POLR2F: variants seen among roughly 807,000 people sequenced by gnomAD.
The protein encoded by POLR2F is DNA-directed RNA polymerases I, II, and III subunit RPABC2.
In POLR2F, 12 loss-of-function variants were observed where a neutral mutation model predicts 22.7. That is an observed-to-expected ratio of 0.53 (90% CI 0.34 to 0.86). The LOEUF (loss-of-function observed/expected upper bound fraction) is 0.86. Ranked by LOEUF, POLR2F falls within the 40% of genes least tolerant of loss-of-function variation. The pLI is 0.02. For synonymous variants in POLR2F, 57 were observed against 66.0 expected (o/e 0.86, Z 0.66); for missense variants, 126 against 171.5 (o/e 0.73, Z 1.48).
upstream of POLR2F, chr22:37,986,020 C>A (rs954746712): frequency 5.9e-5 from 81 of 1,368,976 alleles, no homozygotes; most frequent in Non-Finnish European, 7.5e-5. This position sits in a 1 kb window ranked among gnomAD's most constrained non-coding sequence, Gnocchi z 4.7. Flanking sequence ...AACCCTCCTC[C>A]CCCCGCCTCC....
chr22:38,039,343 A>G (rs185430736), intron 5 of POLR2F, among the ~76,000 whole-genome samples: 108 of 152,182 alleles, frequency 7.1e-4, no homozygotes, highest in African/African-American at 2.0e-3. Context: ...CGGGGACACA[A>G]TTTCTGTCCA....
Position 38,031,772 on chromosome 22 carries a change from C to T in POLR2F, c.453-9296C>T, listed in dbSNP as rs1296454840. On this transcript the variant is annotated intron_variant, in intron 5 of 5. Coordinates refer to the POLR2F transcript ENST00000407936. The surrounding 1 kb of genome is among the most constrained non-coding windows in gnomAD (Gnocchi z 4.1). ...TGCTGCCCCCAGACCAACCCCTCCC[C>T]GCTTCCCTGCCCCATCAACGGCCCC... 2.0e-5 allele frequency among the ~76,000 whole-genome samples: 3 copies of T among 152,176 alleles called. No individual in the cohort carries two copies. Among genetic ancestry groups the T allele is most frequent in the East Asian group, 1.9e-4 (1 of 5,192 alleles).
chr22:37,972,999 A>T, downstream of POLR2F: 1 of 156,916 alleles, frequency 6.4e-6, no homozygotes, highest in Non-Finnish European at 1.4e-5. Context: ...TCAGCCCCTG[A>T]GTGGGAGACA....
intron 1 of POLR2F, among the ~76,000 whole-genome samples, chr22:38,018,797 C>G (rs1050647081): frequency 1.3e-5 from 2 of 152,112 alleles, no homozygotes; most frequent in Admixed American, 1.3e-4. Context: ...AGGCCAGATG[C>G]AGGAGGGTGT....
chr22:37,982,268 G>T (rs551467098), upstream of POLR2F, among the ~76,000 whole-genome samples: 9 of 152,200 alleles, frequency 5.9e-5, no homozygotes, highest in Non-Finnish European at 1.2e-4. Context: ...ACTTCTATGT[G>T]ACCTTTGTGA....
intron 5 of POLR2F, among the ~76,000 whole-genome samples, chr22:38,038,461 G>C (rs2085137638): frequency 6.6e-6 from 1 of 152,062 alleles, no homozygotes; most frequent in South Asian, 2.1e-4. Context: ...ATGGGCTCTG[G>C]ACCCAGGAGC....
In POLR2F at chr22:38,019,013, G is replaced by A. The variant is rs2084937936; in HGVS notation, c.121-6856G>A. The stretch of plus-strand genomic sequence containing the variant: ...GGATGCTTTGGGGCTGGGAAACATG[G>A]CTAATGTGGAGAAGAGTGAGCCGTG... On this transcript the variant is annotated intron_variant, in intron 1 of 2. Transcript: ENST00000333418. 1.3e-5 allele frequency among the ~76,000 whole-genome samples: 2 copies of A among 152,150 alleles called. 1 individual carries two copies. The highest frequency in any genetic ancestry group is 4.1e-4 in the South Asian group (2 of 4,824).
At position 37,968,691 on chromosome 22, in the gene POLR2F, G is replaced by A; in HGVS notation, c.*976G>A. The stretch of plus-strand genomic sequence containing the variant: ...GTATATTGACATGAACAGGGATAGA[G>A]GGTAAACTGGCTCCCTGAATATGCC... On this transcript the variant is annotated 3_prime_UTR_variant, in exon 5 of 5. Transcript: ENST00000442738. 1 of 985,448 alleles carries A rather than the reference G, an allele frequency of 1.0e-6. No homozygotes were observed. 61.0% of individuals were successfully genotyped at this position (985,448 alleles called of 1,614,324 possible). A position where few individuals can be genotyped will look rare whatever the true frequency, so the allele number is the denominator to read the frequency against.
At chr22:37,982,156 C>T (rs1310403889), upstream of POLR2F, among the ~76,000 whole-genome samples, 1 of 152,186 alleles carries the variant, frequency 6.6e-6, no homozygotes, top group Non-Finnish European at 1.5e-5. Context: ...CTCCTGACCA[C>T]TCCTCAAAGT....
downstream of POLR2F, chr22:37,973,635 G>A: frequency 6.2e-7 from 1 of 1,613,838 alleles, no homozygotes; most frequent in East Asian, 2.2e-5. Context: ...GCCGAGTAGA[G>A]GCCAGAGGCC....
At chr22:37,960,232 T>C (rs1476075118) in intron 3 of POLR2F, among the ~76,000 whole-genome samples, 1 of 151,034 alleles carries the variant, frequency 6.6e-6, no homozygotes. Flanking sequence ...TCTTTTCTTT[T>C]TTTTTTTTTT....
downstream of POLR2F, among the ~76,000 whole-genome samples, chr22:38,030,811 C>G (rs1569184928): frequency 6.6e-6 from 1 of 152,220 alleles, no homozygotes; most frequent in East Asian, 1.9e-4. Flanking sequence ...GCTGGGAAGG[C>G]CTGGGGAGCG....
At chr22:38,008,555 A>C (rs866268419) in intron 1 of POLR2F, among the ~76,000 whole-genome samples, 1 of 148,316 alleles carries the variant, frequency 6.7e-6, no homozygotes, top group Non-Finnish European at 1.5e-5. Context: ...AAAAAAAAAA[A>C]CCAACAAACA....
rs180924913 is a variant in POLR2F, at chr22:38,009,469, G to A, written c.121-16400G>A. Among the ~76,000 whole-genome samples the A allele has an allele frequency of 2.7e-3, 414 of 152,284 alleles. 1 individual carries two copies. The highest frequency in any genetic ancestry group is 4.1e-3 in the Non-Finnish European group (277 of 68,034). ...TGAGAAGTACACAGTTTCCTGGTTG[G>A]GTTTGGTTTTCCTTTTTTAAAATTA... On this transcript the variant is annotated intron_variant, in intron 1 of 2. Coordinates refer to the POLR2F transcript ENST00000333418.
At chr22:37,962,794 C>T (rs1931700475) in intron 3 of POLR2F, among the ~76,000 whole-genome samples, 2 of 149,818 alleles carry the variant, frequency 1.3e-5, no homozygotes, top group African/African-American at 4.9e-5. Context: ...GGGTTCACGC[C>T]ATTCTCCTGC....
chr22:37,987,377 C>A (rs1393759279), intron 1 of POLR2F: 1 of 441,418 alleles, frequency 2.3e-6, no homozygotes, highest in South Asian at 1.6e-5. Flanking sequence ...ACTGATGACA[C>A]TGCCTGGCAG....
At chr22:38,003,072 A>G (rs1240703278) in intron 1 of POLR2F, among the ~76,000 whole-genome samples, 4 of 152,070 alleles carry the variant, frequency 2.6e-5, no homozygotes, top group Non-Finnish European at 5.9e-5. Flanking sequence ...AAAGGTTCAG[A>G]GAAGGGAAAG....
chr22:37,986,757 C>A lies in POLR2F; in HGVS notation c.120+445C>A, dbSNP rs1452294892. ...CAGTGCTGTGTGTGTGTGGTTGGGGCCCCTGCTGCGAACACATCCCTGCCC... is the reference window on the plus strand; with the variant it reads ...CAGTGCTGTGTGTGTGTGGTTGGGGACCCTGCTGCGAACACATCCCTGCCC... On this transcript the variant is annotated intron_variant, in intron 1 of 2. Transcript: ENST00000333418. This position sits in a 1 kb window ranked among gnomAD's most constrained non-coding sequence, Gnocchi z 4.7. 2.1e-6 allele frequency: 1 copy of A among 473,378 alleles called. No homozygotes were observed. Among genetic ancestry groups the A allele is most frequent in the Non-Finnish European group, 4.2e-6 (1 of 238,736 alleles). 29.3% of individuals were successfully genotyped at this position (473,378 alleles called of 1,614,324 possible).
upstream of POLR2F, among the ~76,000 whole-genome samples, chr22:37,985,874 C>T (rs972141691): frequency 2.0e-5 from 3 of 151,864 alleles, no homozygotes; most frequent in Admixed American, 1.3e-4. Context: ...CACAACCAGC[C>T]AGACAATCGG....
Sources: allele counts gnomAD v4.1 joint callset (sites outside exome capture counted in the v4.1 genomes callset), GRCh38; gene constraint gnomAD v4.1.1; non-coding constraint Gnocchi (gnomAD v3.1); transcripts MANE v1.5; gene names NCBI Gene and HGNC (gene_info 2026-07-23, HGNC 2026-07-21).